EDIL3: variants seen among roughly 807,000 people sequenced by gnomAD.
EDIL3 encodes EGF like and discoidin domains 3, also known as EGF-like repeat and discoidin I-like domain-containing protein 3.
In EDIL3, 37 loss-of-function variants were observed where a neutral mutation model predicts 67.4. The ratio of observed to expected loss-of-function variants is 0.55; its 90% CI spans 0.42 to 0.72. EDIL3 has a LOEUF of 0.72. EDIL3 is among the 30% of genes least tolerant of loss of function. EDIL3 has a pLI of 0.00. For missense variants in EDIL3, 527 were observed against 586.3 expected, an observed-to-expected ratio of 0.90 and a Z score of 1.04; for synonymous variants, 195 against 196.3, an observed-to-expected ratio of 0.99 and a Z score of 0.05.
chr5:84,277,647 A>C (rs923518410), intron 1 of EDIL3, among the ~76,000 whole-genome samples: 4 of 152,188 alleles, frequency 2.6e-5, no homozygotes, highest in African/African-American at 7.2e-5. Context: ...TCATTCACTC[A>C]ACATATATTT....
At chr5:83,992,208 A>G (rs1049206183) in intron 9 of EDIL3, among the ~76,000 whole-genome samples, 3 of 152,208 alleles carry the variant, frequency 2.0e-5, no homozygotes, top group Non-Finnish European at 4.4e-5. Flanking sequence ...ACTTAAAGGT[A>G]GACAGTGTAA....
intron 3 of EDIL3, among the ~76,000 whole-genome samples, chr5:84,210,233 C>G (rs1250054469): frequency 3.3e-5 from 5 of 152,128 alleles, no homozygotes; most frequent in Admixed American, 2.6e-4. Context: ...TAATCCAAAA[C>G]AAGTCGATTT....
At chr5:84,036,662 C>T (rs896951375) in intron 9 of EDIL3, among the ~76,000 whole-genome samples, 1 of 152,140 alleles carries the variant, frequency 6.6e-6, no homozygotes, top group Non-Finnish European at 1.5e-5. Flanking sequence ...TTCAACAAGT[C>T]ACTAGGGACT....
At chr5:84,268,282 G>T (rs1048838032) in intron 1 of EDIL3, among the ~76,000 whole-genome samples, 1 of 152,124 alleles carries the variant, frequency 6.6e-6, no homozygotes, top group Non-Finnish European at 1.5e-5. Flanking sequence ...GGACTACATG[G>T]CTTAAGAGCT....
intron 3 of EDIL3, among the ~76,000 whole-genome samples, chr5:84,208,384 A>G (rs1328256113): frequency 6.6e-6 from 1 of 152,204 alleles, no homozygotes; most frequent in African/African-American, 2.4e-5. Context: ...CGATCATTAA[A>G]AAGTCAGGAA....
chr5:84,091,539 C>T (rs967538753), intron 6 of EDIL3, among the ~76,000 whole-genome samples: 1 of 152,190 alleles, frequency 6.6e-6, no homozygotes, highest in Non-Finnish European at 1.5e-5. Flanking sequence ...CAGAATCAGA[C>T]CACGTGGCTT....
chr5:84,286,014 T>C (rs1013127865), intron 1 of EDIL3, among the ~76,000 whole-genome samples: 1 of 152,122 alleles, frequency 6.6e-6, no homozygotes, highest in African/African-American at 2.4e-5. Flanking sequence ...TATAATTCCA[T>C]GGGAATTTTT....
chr5:84,244,289 A>AT lies in EDIL3; in HGVS notation c.196+9794dup, dbSNP rs369076732. On this transcript the variant is annotated intron_variant, in intron 2 of 10. Transcript: ENST00000296591. Reference sequence around the variant, plus strand: ...AAAACACTTATGTATTTATTTACTTATTTAGTTAGTTTGAAGCAGTCTCTC... The same window carrying AT: ...AAAACACTTATGTATTTATTTACTTATTTTAGTTAGTTTGAAGCAGTCTCTC... 6.8e-3 allele frequency among the ~76,000 whole-genome samples: 1,039 copies of AT among 152,172 alleles called. 13 individuals carry two copies. The highest frequency in any genetic ancestry group is 0.024 in the African/African-American group (987 of 41,538).
intron 4 of EDIL3, among the ~76,000 whole-genome samples, chr5:84,171,863 G>A (rs1280556964): frequency 1.3e-5 from 2 of 152,190 alleles, no homozygotes; most frequent in Admixed American, 1.3e-4. Flanking sequence ...GTGAGAGCCA[G>A]GCATTGGTAT....
At chr5:84,224,139 T>G (rs1744402521) in intron 3 of EDIL3, among the ~76,000 whole-genome samples, 2 of 151,440 alleles carry the variant, frequency 1.3e-5, no homozygotes, top group African/African-American at 2.4e-5. Flanking sequence ...ACGGTTGTAG[T>G]TCATTTTAAC....
intron 1 of EDIL3, among the ~76,000 whole-genome samples, chr5:84,337,512 T>A (rs558110694): frequency 6.6e-6 from 1 of 152,100 alleles, no homozygotes; most frequent in Non-Finnish European, 1.5e-5. Flanking sequence ...ACTATATACA[T>A]GTATATCTTC....
chr5:84,140,841 A>C (rs1748175494), intron 4 of EDIL3, among the ~76,000 whole-genome samples: 1 of 152,152 alleles, frequency 6.6e-6, no homozygotes, highest in Non-Finnish European at 1.5e-5. Flanking sequence ...CCAGTAATAC[A>C]CAAGCTTAGA....
chr5:84,334,379 T>C (rs1022978298), intron 1 of EDIL3, among the ~76,000 whole-genome samples: 4 of 152,116 alleles, frequency 2.6e-5, no homozygotes, highest in African/African-American at 9.7e-5. Flanking sequence ...AGATGCAATA[T>C]TTTATTCTTC....
intron 1 of EDIL3, among the ~76,000 whole-genome samples, chr5:84,322,899 C>A (rs1321941194): frequency 6.6e-6 from 1 of 151,868 alleles, no homozygotes; most frequent in Non-Finnish European, 1.5e-5. Context: ...GACCAGAAGG[C>A]AGTGGGCGAT....
chr5:84,205,860 C>T (rs1743966386), intron 3 of EDIL3, among the ~76,000 whole-genome samples: 1 of 150,248 alleles, frequency 6.7e-6, no homozygotes, highest in African/African-American at 2.4e-5. Flanking sequence ...TTTCAAAAAA[C>T]CAGCTCCTGG....
chr5:84,057,384 T>C lies in EDIL3; in HGVS notation c.1137+2916A>G, dbSNP rs61041930. Among the ~76,000 whole-genome samples, 158 of 137,688 alleles carry C rather than the reference T, an allele frequency of 1.1e-3. 1 individual carries two copies. The highest frequency in any genetic ancestry group is 4.1e-3 in the African/African-American group (151 of 36,582). 90.3% of individuals were successfully genotyped at this position (137,688 alleles called of 152,430 possible). A position where few individuals can be genotyped will look rare whatever the true frequency, so the allele number is the denominator to read the frequency against. On this transcript the variant is annotated intron_variant, in intron 9 of 10. Transcript: ENST00000296591. ...ATGTTTCTAGAGTCTACCAACCTCC[T>C]GAGCTACTTATGGGGTGTAAAATAG...
At chr5:84,108,812 C>A (rs936360289) in intron 5 of EDIL3, among the ~76,000 whole-genome samples, 1 of 152,134 alleles carries the variant, frequency 6.6e-6, no homozygotes, top group Non-Finnish European at 1.5e-5. Flanking sequence ...TCTTTTATTG[C>A]AGGCCATTTA....
rs933601022 is a variant in EDIL3 at position 84,363,260 on chromosome 5, C to T, written c.67+21048G>A. 4.0e-5 allele frequency among the ~76,000 whole-genome samples: 6 copies of T among 151,740 alleles called. No individual in the cohort carries two copies. The East Asian group carries it at 1.2e-3, about 29-fold the overall frequency. On this transcript the variant is annotated intron_variant, in intron 1 of 10. Transcript: ENST00000296591. ...GATCAGGAGGTCAAGAGATTGAGAC[C>T]ATCATGGCCAACATGGTGAAACTCT...
intron 5 of EDIL3, among the ~76,000 whole-genome samples, chr5:84,125,949 G>A (rs769998279): frequency 3.3e-5 from 5 of 151,958 alleles, no homozygotes; most frequent in Non-Finnish European, 7.4e-5. Flanking sequence ...GGTGATGGTT[G>A]CTCTTTAGTT....
Sources: allele counts gnomAD v4.1 joint callset (sites outside exome capture counted in the v4.1 genomes callset), GRCh38; gene constraint gnomAD v4.1.1; transcripts MANE v1.5; gene names NCBI Gene and HGNC (gene_info 2026-07-23, HGNC 2026-07-21).